TMEM156: variants seen among roughly 807,000 people sequenced by gnomAD.
The protein encoded by TMEM156 is transmembrane protein 156.
TMEM156 carries 28 observed loss-of-function variants against 30.5 expected under a neutral mutation model. That is an observed-to-expected ratio of 0.92 (90% CI 0.68 to 1.26). TMEM156 has a LOEUF of 1.26. Ranked by LOEUF, TMEM156 falls within the 50% of genes most tolerant of loss-of-function variation. TMEM156 has a pLI of 0.00. For missense variants in TMEM156, 351 were observed against 340.6 expected (o/e 1.03, Z -0.24); for synonymous variants, 137 against 119.9 (o/e 1.14, Z -0.93).
At chr4:38,971,286 T>A in intron 5 of TMEM156, 149 bp from the exon 6 acceptor site, 1 of 646,122 alleles carries the variant, frequency 1.5e-6, no homozygotes, top group Non-Finnish European at 2.6e-6. Context: ...TTTTCCTGCC[T>A]ACCTCTCTAA....
chr4:39,024,206 T>C (rs1230324955), intron 1 of TMEM156, among the ~76,000 whole-genome samples: 3 of 152,244 alleles, frequency 2.0e-5, no homozygotes, highest in Non-Finnish European at 4.4e-5. Context: ...CAGCTAATTT[T>C]TGTATTTTTA....
At chr4:39,020,625 C>T (rs1341635213) in intron 1 of TMEM156, among the ~76,000 whole-genome samples, 1 of 152,068 alleles carries the variant, frequency 6.6e-6, no homozygotes, top group Non-Finnish European at 1.5e-5. Flanking sequence ...GATCTCGGCT[C>T]ACTGCAACCT....
At chr4:38,991,750 A>T (rs1560366050) in intron 3 of TMEM156, among the ~76,000 whole-genome samples, 1 of 152,182 alleles carries the variant, frequency 6.6e-6, no homozygotes, top group Non-Finnish European at 1.5e-5. Flanking sequence ...AATATAAAAT[A>T]CAGTTAGGTG....
intron 5 of TMEM156, among the ~76,000 whole-genome samples, chr4:38,973,621 T>A (rs1420661351): frequency 1.3e-5 from 2 of 152,194 alleles, no homozygotes; most frequent in Admixed American, 6.5e-5. Flanking sequence ...GGTACACAAT[T>A]GTATCATCTG....
At chr4:39,018,314 G>A (rs1021308506) in intron 1 of TMEM156, among the ~76,000 whole-genome samples, 1 of 151,942 alleles carries the variant, frequency 6.6e-6, no homozygotes, top group Non-Finnish European at 1.5e-5. Flanking sequence ...ACAGCATTTT[G>A]GTTCTATCTT....
intron 1 of TMEM156, among the ~76,000 whole-genome samples, chr4:39,014,114 ATTCT>A (rs1714310172): frequency 6.6e-6 from 1 of 152,216 alleles, no homozygotes; most frequent in African/African-American, 2.4e-5. Context: ...GTCATAAAAT[ATTCT>A]TTATTTCCCA....
intron 6 of TMEM156, among the ~76,000 whole-genome samples, chr4:38,970,293 C>T (rs1381349269): frequency 2.0e-5 from 3 of 152,090 alleles, no homozygotes; most frequent in Non-Finnish European, 4.4e-5. Context: ...TTTAGTTTTC[C>T]CACACCCTAG....
In TMEM156 at chr4:38,967,154, T is replaced by C. The variant is rs1722383637; in HGVS notation, c.*526A>G. The stretch of plus-strand genomic sequence containing the variant: ...GCTAAAAGGCAGCAAGATTCATAAA[T>C]GCAAACAAACATATAAATAAACAAC... On this transcript the variant is annotated 3_prime_UTR_variant, in exon 7 of 7. Transcript: ENST00000381938. 2 of 152,268 alleles carry C rather than the reference T, an allele frequency of 1.3e-5. No homozygotes were observed. Among genetic ancestry groups the C allele is most frequent in the African/African-American group, 2.4e-5 (1 of 41,556 alleles). The allele number at this position is 152,268 out of a possible 1,614,324, so 9.4% of individuals were successfully genotyped here. A position where few individuals can be genotyped will look rare whatever the true frequency, so the allele number is the denominator to read the frequency against.
intron 3 of TMEM156, among the ~76,000 whole-genome samples, chr4:38,992,824 C>T (rs192963087): frequency 1.8e-4 from 26 of 147,872 alleles, no homozygotes; most frequent in African/African-American, 4.3e-4. Flanking sequence ...TGCAGCAGCG[C>T]GATCTCGGCT....
intron 1 of TMEM156, among the ~76,000 whole-genome samples, chr4:39,021,506 T>C (rs555991370): frequency 3.9e-5 from 6 of 152,194 alleles, no homozygotes; most frequent in Non-Finnish European, 5.9e-5. Flanking sequence ...CAGGTTATTT[T>C]CTTGCTGTTG....
intron 5 of TMEM156, among the ~76,000 whole-genome samples, chr4:38,983,011 A>C (rs1282324793): frequency 6.6e-6 from 1 of 152,048 alleles, no homozygotes; most frequent in Non-Finnish European, 1.5e-5. Context: ...GCCTCCCCTC[A>C]TACTCCTCCT....
At chr4:39,017,310 G>GACT (rs1201374699) in intron 1 of TMEM156, among the ~76,000 whole-genome samples, 3 of 150,488 alleles carry the variant, frequency 2.0e-5, no homozygotes, top group Non-Finnish European at 1.5e-5. Flanking sequence ...GAGTAGCTGG[G>GACT]ACTACAGGTG....
At chr4:39,005,846 A>G (rs1713691614) in intron 1 of TMEM156, among the ~76,000 whole-genome samples, 1 of 152,212 alleles carries the variant, frequency 6.6e-6, no homozygotes, top group South Asian at 2.1e-4. Flanking sequence ...ATGCCATATC[A>G]TTATACAAAA....
At chr4:39,012,311 A>G (rs1254066390) in intron 1 of TMEM156, among the ~76,000 whole-genome samples, 1 of 152,218 alleles carries the variant, frequency 6.6e-6, no homozygotes, top group Non-Finnish European at 1.5e-5. Flanking sequence ...TTCTCTTTGT[A>G]AAAGAGAAAT....
chr4:38,997,968 G>A (rs11940639), intron 2 of TMEM156, among the ~76,000 whole-genome samples: 31,708 of 151,956 alleles, frequency 0.21, 3,381 homozygotes, highest in East Asian at 0.22. Context: ...TAAATGCAAG[G>A]GCTCAATGAT....
intron 1 of TMEM156, among the ~76,000 whole-genome samples, chr4:39,012,565 G>A (rs1714191393): frequency 6.6e-6 from 1 of 152,204 alleles, no homozygotes; most frequent in Non-Finnish European, 1.5e-5. Flanking sequence ...CAGCACTTTG[G>A]GAGGTCGAGG....
At chr4:38,994,861 C>A (rs1712813658) in intron 2 of TMEM156, among the ~76,000 whole-genome samples, 1 of 151,978 alleles carries the variant, frequency 6.6e-6, no homozygotes, top group Admixed American at 6.6e-5. Context: ...TCGTTTGAAC[C>A]TGGGAGGCAG....
chr4:38,981,336 C>A (rs1443205394), intron 5 of TMEM156, among the ~76,000 whole-genome samples: 1 of 152,174 alleles, frequency 6.6e-6, no homozygotes, highest in African/African-American at 2.4e-5. Flanking sequence ...TTCTCTTTCA[C>A]AATAAAACTC....
At chr4:38,999,008 T>A in intron 1 of TMEM156, 99 bp from the exon 2 acceptor site, 8 of 922,838 alleles carry the variant, frequency 8.7e-6, no homozygotes, top group Non-Finnish European at 1.3e-5. Flanking sequence ...CTTAGGTGGA[T>A]TCAGTACATT....
Sources: gnomAD v4.1 joint callset for allele counts (sites outside exome capture counted in the v4.1 genomes callset) on GRCh38, gnomAD v4.1.1 for gene constraint, MANE v1.5 for transcripts, NCBI Gene and HGNC (gene_info 2026-07-23, HGNC 2026-07-21) for gene names.